Variants in SLC26A5 observed in about 807,000 individuals in gnomAD.
SLC26A5 encodes the protein solute carrier family 26 member 5.
A neutral mutation model predicts 81.0 loss-of-function variants in SLC26A5; 51 were observed. That is an observed-to-expected ratio of 0.63 (90% confidence interval 0.50 to 0.80). The LOEUF (loss-of-function observed/expected upper bound fraction) is 0.80. Ranked by LOEUF, SLC26A5 falls within the 30% of genes least tolerant of loss-of-function variation. SLC26A5 has a pLI of 0.00. For missense variants in SLC26A5, 771 were observed against 905.8 expected, an observed-to-expected ratio of 0.85 and a Z score of 1.91; for synonymous variants, 325 against 332.8, an observed-to-expected ratio of 0.98 and a Z score of 0.25.
intron 11 of SLC26A5, 91 bp from the exon 12 acceptor site, chr7:103,390,597 T>A: frequency 9.9e-7 from 1 of 1,011,338 alleles, no homozygotes; most frequent in Non-Finnish European, 1.6e-6. Context: ...ATAATTACTA[T>A]GGGAAGATCA....
intron 19 of SLC26A5, among the ~76,000 whole-genome samples, chr7:103,365,014 T>C (rs931665804): frequency 3.5e-5 from 5 of 144,000 alleles, no homozygotes; most frequent in Non-Finnish European, 6.0e-5. Context: ...CTATATGTAT[T>C]GTATCTGAAA....
chr7:103,382,706 T>C (rs931278782), intron 14 of SLC26A5, among the ~76,000 whole-genome samples: 1 of 152,162 alleles, frequency 6.6e-6, no homozygotes, highest in Non-Finnish European at 1.5e-5. Context: ...GATACTGTAA[T>C]AATGACAGAT....
At chr7:103,370,786 C>T (rs1324452651), downstream of SLC26A5, among the ~76,000 whole-genome samples, 1 of 152,126 alleles carries the variant, frequency 6.6e-6, no homozygotes, top group Non-Finnish European at 1.5e-5. Flanking sequence ...CATATTCCAA[C>T]GATTCATGAG....
In SLC26A5 at chr7:103,367,574, A is replaced by C; in HGVS notation, c.2041+9234T>G. The C allele has an allele frequency of 6.2e-7, 1 of 1,614,174 alleles. No homozygotes were observed. Among genetic ancestry groups the C allele is most frequent in the Non-Finnish European group, 8.5e-7 (1 of 1,180,022 alleles). ...GGATCCAGCACTGATGAGGCCAGGG[A>C]GATTGGATAGAAAAATTGAATTTAG... On this transcript the variant is annotated intron_variant, in intron 19 of 19. Transcript: ENST00000339444. The surrounding 1 kb of genome is among the most constrained non-coding windows in gnomAD (Gnocchi z 6.1).
At chr7:103,374,669 A>C in intron 19 of SLC26A5, 77 bp from the exon 20 acceptor site, 3 of 1,301,566 alleles carry the variant, frequency 2.3e-6, no homozygotes, top group Non-Finnish European at 3.2e-6. Flanking sequence ...TAACACTTCC[A>C]TATAGTGTTT....
intron 14 of SLC26A5, among the ~76,000 whole-genome samples, chr7:103,385,323 T>C (rs1177262004): frequency 2.6e-5 from 4 of 152,006 alleles, no homozygotes; most frequent in Non-Finnish European, 5.9e-5. Flanking sequence ...CCACCACGCC[T>C]GGCTAATTTT....
chr7:103,354,204 G>A (rs564717140), intron 19 of SLC26A5, among the ~76,000 whole-genome samples: 2 of 152,148 alleles, frequency 1.3e-5, no homozygotes, highest in Admixed American at 1.3e-4. Context: ...CTCAGTTTAT[G>A]TATTATTTTA....
At chr7:103,389,885 C>T (rs186153395) in intron 12 of SLC26A5, among the ~76,000 whole-genome samples, 149 of 152,264 alleles carry the variant, frequency 9.8e-4, no homozygotes, top group Admixed American at 3.2e-3. Context: ...GCCTCAGCCT[C>T]CCAAAGTGCC....
In SLC26A5 at chr7:103,377,890, G is replaced by C. The variant is rs942298068; in HGVS notation, c.1786-91C>G. On this transcript the variant is annotated intron_variant, in intron 17 of 19. Transcript: ENST00000306312. ...TTTATAATGGAAAATCTGCTCTTGTGTTCTTAAGCTACTGACTCTACCAGA... is the reference window on the plus strand; with the variant it reads ...TTTATAATGGAAAATCTGCTCTTGTCTTCTTAAGCTACTGACTCTACCAGA... 7.3e-6 allele frequency: 9 copies of C among 1,236,040 alleles called. No individual in the cohort carries two copies. The Admixed American group carries it at 1.6e-4, about 21-fold the overall frequency. The allele number at this position is 1,236,040 out of a possible 1,614,324, so 76.6% of individuals were successfully genotyped here.
intron 14 of SLC26A5, among the ~76,000 whole-genome samples, chr7:103,382,088 C>T (rs183118199): frequency 6.6e-6 from 1 of 152,216 alleles, no homozygotes. Context: ...CGCTGAATTT[C>T]GCAGAGTTCA....
At chr7:103,436,476 C>G (rs888413890) in intron 2 of SLC26A5, among the ~76,000 whole-genome samples, 4 of 152,118 alleles carry the variant, frequency 2.6e-5, no homozygotes, top group African/African-American at 4.8e-5. Context: ...CAGATTTGCT[C>G]CCCACTGATA....
At chr7:103,394,296 A>G (rs1215591620) in intron 9 of SLC26A5, among the ~76,000 whole-genome samples, 1 of 152,202 alleles carries the variant, frequency 6.6e-6, no homozygotes, top group Non-Finnish European at 1.5e-5. Context: ...AGGTTCTACT[A>G]TTATCCCAAT....
At position 103,410,843 on chromosome 7, in the gene SLC26A5, G is replaced by A. The variant is rs897315820; in HGVS notation, c.571-294C>T. ...ACGGGGTTTCACTATGTTGCCCAGG[G>A]TGGTCTCGAACTCCTGACCTTGTGA... On this transcript the variant is annotated intron_variant, in intron 6 of 19. Coordinates refer to ENST00000306312, the MANE Select transcript of SLC26A5 (RefSeq NM_198999.3). Among the ~76,000 whole-genome samples, 35 of 151,842 alleles carry A rather than the reference G, an allele frequency of 2.3e-4. 1 individual carries two copies. Among genetic ancestry groups the A allele is most frequent in the African/African-American group, 8.2e-4 (34 of 41,324 alleles).
intron 2 of SLC26A5, among the ~76,000 whole-genome samples, chr7:103,435,863 G>A (rs1002550274): frequency 1.3e-5 from 2 of 151,906 alleles, no homozygotes; most frequent in Non-Finnish European, 2.9e-5. Context: ...TATCTTTTAC[G>A]GTCATTTTAA....
chr7:103,419,882 A>G (rs1285897424), intron 4 of SLC26A5, among the ~76,000 whole-genome samples: 1 of 151,590 alleles, frequency 6.6e-6, no homozygotes, highest in Non-Finnish European at 1.5e-5. Context: ...ATTTTCCTCC[A>G]TTTTGCTTAT....
chr7:103,364,440 A>G (rs1820583134), intron 19 of SLC26A5: 17 of 994,902 alleles, frequency 1.7e-5, no homozygotes, highest in Non-Finnish European at 2.5e-5. Flanking sequence ...ACAGAGTCTC[A>G]TTGTGTTGCC....
In SLC26A5 at chr7:103,413,063, G is replaced by A. The variant is rs1313565018; in HGVS notation, c.342C>T (p.Tyr114=). The change falls in exon 5 of 20, where the codon TAC becomes TAT. Residue 114 remains tyrosine (Y), a synonymous_variant. Transcript: ENST00000306312. ...ACATGATAACAGGGTAAAATGAAGAGTACAGGCCAAATATTGGAGGCACAG... is the reference window on the plus strand; with the variant it reads ...ACATGATAACAGGGTAAAATGAAGAATACAGGCCAAATATTGGAGGCACAG... ...LAAVPPIFGL[Y]SSFYPVIMYC... is the part of the protein sequence containing the mutation. The A allele has an allele frequency of 1.9e-6, 3 of 1,614,058 alleles. No individual in the cohort carries two copies. The East Asian group carries it at 6.7e-5, about 36-fold the overall frequency.
At chr7:103,422,191 T>C (rs1027539029) in intron 2 of SLC26A5, among the ~76,000 whole-genome samples, 5 of 152,180 alleles carry the variant, frequency 3.3e-5, no homozygotes, top group African/African-American at 1.2e-4. Flanking sequence ...TGCTACACAG[T>C]GATACCACTT....
intron 9 of SLC26A5, among the ~76,000 whole-genome samples, chr7:103,395,040 T>A (rs867218933): frequency 3.9e-5 from 6 of 152,298 alleles, no homozygotes; most frequent in African/African-American, 1.4e-4. Flanking sequence ...TCTTGGATCC[T>A]CCAACACTAG....
Sources: gnomAD v4.1 joint callset for allele counts (sites outside exome capture counted in the v4.1 genomes callset) on GRCh38, gnomAD v4.1.1 for gene constraint, Gnocchi (gnomAD v3.1) non-coding constraint, MANE v1.5 for transcripts, NCBI Gene and HGNC (gene_info 2026-07-23, HGNC 2026-07-21) for gene names.